OR51B5: variants seen among roughly 807,000 people sequenced by gnomAD.
OR51B5 encodes the protein olfactory receptor 51B5.
For synonymous variants in OR51B5, 186 were observed against 144.8 expected, an observed-to-expected ratio of 1.28 and a Z score of -2.04; for missense variants, 456 against 374.6, an observed-to-expected ratio of 1.22 and a Z score of -1.79.
At chr11:5,370,830 A>G (rs1260432334) in intron 1 of OR51B5, among the ~76,000 whole-genome samples, 1 of 152,230 alleles carries the variant, frequency 6.6e-6, no homozygotes, top group Non-Finnish European at 1.5e-5. Context: ...AACAAAATTT[A>G]TGTAAGCTAG....
chr11:5,386,889 A>T (rs1849703079), intron 1 of OR51B5, among the ~76,000 whole-genome samples: 1 of 152,248 alleles, frequency 6.6e-6, no homozygotes, highest in South Asian at 2.1e-4. Context: ...ATAATATTAT[A>T]AAAAATGCAT....
At chr11:5,357,155 G>C (rs975523616) in intron 1 of OR51B5, among the ~76,000 whole-genome samples, 1 of 152,072 alleles carries the variant, frequency 6.6e-6, no homozygotes, top group African/African-American at 2.4e-5. Context: ...TGGGCTAAAT[G>C]CTCCAGTAAA....
chr11:5,374,570 G>A (rs941972877), intron 1 of OR51B5, among the ~76,000 whole-genome samples: 3 of 152,154 alleles, frequency 2.0e-5, no homozygotes, highest in African/African-American at 7.2e-5. Context: ...AGGCAAAGAA[G>A]ATAAAAACTT....
At chr11:5,392,210 C>A (rs749355230) in intron 1 of OR51B5, 4 of 152,218 alleles carry the variant, frequency 2.6e-5, no homozygotes, top group Non-Finnish European at 5.9e-5. Context: ...GACTCTCAGG[C>A]TTGGGAGCCC....
At chr11:5,372,523 G>A (rs774579693) in intron 1 of OR51B5, among the ~76,000 whole-genome samples, 1 of 152,110 alleles carries the variant, frequency 6.6e-6, no homozygotes, top group Non-Finnish European at 1.5e-5. Context: ...GTGATGTAGT[G>A]CACCTTTTCA....
chr11:5,366,344 T>G (rs939173382), intron 1 of OR51B5, among the ~76,000 whole-genome samples: 1 of 152,102 alleles, frequency 6.6e-6, no homozygotes, highest in Non-Finnish European at 1.5e-5. Flanking sequence ...TACAGACTCA[T>G]GCCTGTAATC....
chr11:5,409,612 G>A (rs1038626852), intron 1 of OR51B5, among the ~76,000 whole-genome samples: 1 of 151,794 alleles, frequency 6.6e-6, no homozygotes, highest in South Asian at 2.1e-4. Context: ...CCAAATGAAA[G>A]CACAAAAATT....
intron 1 of OR51B5, among the ~76,000 whole-genome samples, chr11:5,495,437 T>C (rs1287027059): frequency 1.3e-5 from 2 of 152,202 alleles, no homozygotes; most frequent in African/African-American, 2.4e-5. Context: ...AAGTTATAAA[T>C]TGTGACATTA....
At chr11:5,342,259 CCTATCTG>C (rs910947197), downstream of OR51B5, among the ~76,000 whole-genome samples, 3 of 152,108 alleles carry the variant, frequency 2.0e-5, no homozygotes, top group African/African-American at 7.2e-5. Flanking sequence ...TGATTCTGTT[CCTATCTG>C]CTAACTTTAT....
chr11:5,382,578 G>A (rs555519053), intron 1 of OR51B5, among the ~76,000 whole-genome samples: 1 of 152,276 alleles, frequency 6.6e-6, no homozygotes, highest in South Asian at 2.1e-4. Context: ...CTAAAATCAT[G>A]TTCTTAATAA....
chr11:5,362,714 AC>A (rs1564921668), intron 1 of OR51B5: 2 of 227,770 alleles, frequency 8.8e-6, no homozygotes, highest in Admixed American at 5.6e-5. Context: ...GTTCTTCACC[AC>A]CTGGTTCTTT....
At chr11:5,374,679 G>T (rs1418841562) in intron 1 of OR51B5, among the ~76,000 whole-genome samples, 1 of 152,238 alleles carries the variant, frequency 6.6e-6, no homozygotes, top group Non-Finnish European at 1.5e-5. Context: ...AGAATGACGT[G>T]AAGAATGGAG....
chr11:5,392,870 C>G (rs548445167), intron 1 of OR51B5: 2 of 152,172 alleles, frequency 1.3e-5, no homozygotes, highest in African/African-American at 4.8e-5. Flanking sequence ...CGAGATCGTG[C>G]CACTGCACTC....
Position 5,505,423 on chromosome 11 carries a change from T to C in OR51B5, n.84+146A>G, listed in dbSNP as rs138489553. 3 of 1,303,942 alleles carry C rather than the reference T, an allele frequency of 2.3e-6. No individual in the cohort carries two copies. The East Asian group carries it at 1.7e-4, about 72-fold the overall frequency. 80.8% of individuals were successfully genotyped at this position (1,303,942 alleles called of 1,614,324 possible). A position where few individuals can be genotyped will look rare whatever the true frequency, so the allele number is the denominator to read the frequency against. On this transcript the variant is annotated intron_variant and non_coding_transcript_variant, in intron 1 of 4. Transcript: ENST00000415970. ...CCCTAGCACCACCATAAACAATAGG[T>C]TTTTCTTTAATCTGGACAAAAACTA... is the stretch of plus-strand genomic sequence containing the variant.
At chr11:5,445,276 A>T (rs925832143) in intron 1 of OR51B5, among the ~76,000 whole-genome samples, 1 of 152,230 alleles carries the variant, frequency 6.6e-6, no homozygotes, top group Admixed American at 6.5e-5. Flanking sequence ...TATTGCAGAT[A>T]CATATTCACA....
chr11:5,477,748 G>T (rs1332801759), intron 1 of OR51B5, among the ~76,000 whole-genome samples: 1 of 152,188 alleles, frequency 6.6e-6, no homozygotes, highest in African/African-American at 2.4e-5. Context: ...AGAAAGGGGT[G>T]ACGGACGCAC....
intron 1 of OR51B5, among the ~76,000 whole-genome samples, chr11:5,373,437 G>A (rs748235414): frequency 2.0e-5 from 3 of 152,168 alleles, no homozygotes; most frequent in African/African-American, 7.2e-5. Flanking sequence ...TCCATCTGAG[G>A]TATGGGGTTC....
chr11:5,345,371 AAG>A (rs946840501), upstream of OR51B5, among the ~76,000 whole-genome samples: 9 of 152,134 alleles, frequency 5.9e-5, no homozygotes, highest in Non-Finnish European at 1.3e-4. Flanking sequence ...AAATGAAAAA[AAG>A]AGAAAAATAG....
At chr11:5,440,518 T>TA in intron 1 of OR51B5, 1 of 1,319,040 alleles carries the variant, frequency 7.6e-7, no homozygotes, top group Non-Finnish European at 1.1e-6. Flanking sequence ...CTTAAGTTGT[T>TA]AACATGTCCC....
Sources: gnomAD v4.1 joint callset for allele counts (sites outside exome capture counted in the v4.1 genomes callset) on GRCh38, gnomAD v4.1.1 for gene constraint, MANE v1.5 for transcripts, NCBI Gene and HGNC (gene_info 2026-07-23, HGNC 2026-07-21) for gene names.